Variants in KIF1A observed in about 807,000 individuals in gnomAD.
KIF1A encodes the protein kinesin family member 1A, also known as kinesin-like protein KIF1A.
KIF1A carries 46 observed loss-of-function variants against 227.3 expected under a neutral mutation model. The observed-to-expected ratio is 0.20, with a 90% CI of 0.16 to 0.26. The LOEUF (loss-of-function observed/expected upper bound fraction) is 0.26. KIF1A is among the 10% of genes least tolerant of loss of function. KIF1A has a pLI of 1.00. For missense variants in KIF1A, 1,683 were observed against 2,485.9 expected (o/e 0.68, Z 6.87); for synonymous variants, 1,022 against 1,012.8 (o/e 1.01, Z -0.17).
intron 1 of KIF1A, among the ~76,000 whole-genome samples, chr2:240,812,078 A>G (rs2126233707): frequency 6.6e-6 from 1 of 152,306 alleles, no homozygotes; most frequent in South Asian, 2.1e-4. Context: ...CTTGGTAAAA[A>G]TGCATGCAGA....
chr2:240,768,748 G>A (rs2051531459), intron 17 of KIF1A, among the ~76,000 whole-genome samples: 1 of 152,218 alleles, frequency 6.6e-6, no homozygotes, highest in Non-Finnish European at 1.5e-5. Flanking sequence ...CTCTAGCTGA[G>A]TTCCAAGAAG....
intron 22 of KIF1A, 51 bp downstream of exon 22, chr2:240,762,968 C>T (rs1419138143): frequency 7.1e-7 from 1 of 1,409,896 alleles, no homozygotes; most frequent in African/African-American, 1.4e-5. Context: ...GGACAGGGGT[C>T]CCCTGGTGTG....
intron 42 of KIF1A, among the ~76,000 whole-genome samples, chr2:240,723,051 G>A (rs968676070): frequency 6.6e-6 from 1 of 152,136 alleles, no homozygotes; most frequent in African/African-American, 2.4e-5. Flanking sequence ...ACACACACTC[G>A]GCCCGAGGCA....
intron 2 of KIF1A, among the ~76,000 whole-genome samples, chr2:240,795,385 T>C (rs2056245704): frequency 6.6e-6 from 1 of 152,224 alleles, no homozygotes; most frequent in African/African-American, 2.4e-5. Context: ...GGCTCCGGCC[T>C]CTGGCTCCTA....
chr2:240,760,021 GAA>G (rs397967291), intron 25 of KIF1A, among the ~76,000 whole-genome samples: 2 of 135,506 alleles, frequency 1.5e-5, no homozygotes, highest in African/African-American at 5.4e-5. Context: ...GTCTCTTAAA[GAA>G]AAAAAAAAAA....
At position 240,757,662 on chromosome 2, in the gene KIF1A, G is replaced by C. The variant is rs1350321135; in HGVS notation, c.2583-68C>G. 2.0e-6 allele frequency: 3 copies of C among 1,504,060 alleles called. No individual in the cohort carries two copies. The African/African-American group carries it at 4.2e-5, about 21-fold the overall frequency. 93.2% of individuals were successfully genotyped at this position (1,504,060 alleles called of 1,614,324 possible). On this transcript the variant is annotated intron_variant, in intron 26 of 48. Transcript: ENST00000498729. The surrounding 1 kb of genome is among the most constrained non-coding windows in gnomAD (Gnocchi z 6.2). ...ACTCGCAGGGACGAACAGGGGCCGG[G>C]GCCGGGGCTGGGGGGCTTCTGTTTA...
chr2:240,801,803 G>T (rs1356248133), intron 1 of KIF1A, among the ~76,000 whole-genome samples: 3 of 152,192 alleles, frequency 2.0e-5, no homozygotes, highest in African/African-American at 4.8e-5. Flanking sequence ...CAGCCAATGT[G>T]CCTTACTCTT....
Position 240,788,034 on chromosome 2 carries a change from C to CCCCCCCCCCCTCGGGGCGGG in KIF1A, c.363+16_363+17insCCCGCCCCGAGGGGGGGGGG. 1 of 1,449,062 alleles carries CCCCCCCCCCCTCGGGGCGGG rather than the reference C, an allele frequency of 6.9e-7. No individual in the cohort carries two copies. The highest frequency in any genetic ancestry group is 9.4e-7 in the Non-Finnish European group (1 of 1,059,100). 89.8% of individuals were successfully genotyped at this position (1,449,062 alleles called of 1,614,324 possible). On this transcript the variant is annotated intron_variant, in intron 4 of 48. Transcript: ENST00000498729. This position sits in a 1 kb window ranked among gnomAD's most constrained non-coding sequence, Gnocchi z 6.6. ...CCCATCTGCCAGGGCTGCCCCCGCC[C>CCCCCCCCCCCTCGGGGCGGG]GCCCCCCGCTTCGTGCCTGTGGGAT...
intron 38 of KIF1A, among the ~76,000 whole-genome samples, chr2:240,735,890 T>C (rs896417772): frequency 4.0e-5 from 6 of 151,318 alleles, no homozygotes; most frequent in Non-Finnish European, 7.4e-5. Context: ...CCTATGGACA[T>C]GAGTGCAGGG....
At position 240,775,530 on chromosome 2, in the gene KIF1A, CA is replaced by C. The variant is rs899294442; in HGVS notation, c.958+320del. On this transcript the variant is annotated intron_variant, in intron 11 of 48. Transcript: ENST00000498729. This position sits in a 1 kb window ranked among gnomAD's most constrained non-coding sequence, Gnocchi z 5.5. ...AGGTCCCCGTGACTGATGGGGAAACCAAGGCCCAGAGAAGGATGAGTACTTG... is the reference window on the plus strand; with the variant it reads ...AGGTCCCCGTGACTGATGGGGAAACCAGGCCCAGAGAAGGATGAGTACTTG... Among the ~76,000 whole-genome samples the C allele has an allele frequency of 1.3e-5, 2 of 152,194 alleles. No homozygotes were observed. Among genetic ancestry groups the C allele is most frequent in the African/African-American group, 4.8e-5 (2 of 41,446 alleles).
Position 240,736,368 on chromosome 2 carries a change from C to T in KIF1A, c.4007+695G>A, listed in dbSNP as rs116068811. Among the ~76,000 whole-genome samples, 3,954 of 152,148 alleles carry T rather than the reference C, an allele frequency of 0.026. 179 individuals are homozygous for T. The highest frequency in any genetic ancestry group is 0.089 in the African/African-American group (3,712 of 41,512). ...CTTTCCCCAAGCCCCTGGAAGGCAG[C>T]GTCTGGGACGCAGTGGAGCCCGCGG... On this transcript the variant is annotated intron_variant, in intron 38 of 48. Coordinates refer to ENST00000498729, the MANE Select transcript of KIF1A (RefSeq NM_001244008.2). The surrounding 1 kb of genome is among the most constrained non-coding windows in gnomAD (Gnocchi z 4.7).
chr2:240,771,020 T>C lies in KIF1A; in HGVS notation c.1292A>G (p.Glu431Gly). The C allele has an allele frequency of 6.2e-7, 1 of 1,613,000 alleles. No individual in the cohort carries two copies. The highest frequency in any genetic ancestry group is 8.5e-7 in the Non-Finnish European group (1 of 1,179,816). Residue 431 changes from glutamate (E) to glycine (G), a missense_variant, in exon 15 of 49, where the codon GAG (glutamate) becomes GGG (glycine). Around this residue, in one of 12 missense-constraint regions of KIF1A, gnomAD observed 110 missense variants for 133.1 expected, o/e 0.83. Coordinates refer to ENST00000498729, the MANE Select transcript of KIF1A (RefSeq NM_001244008.2). ...SRAASVSSLH[E>G]RILFAPGSEE... ...GCTGCCCGGGGCAAACAAGATGCGC[T>C]CGTGGAGGCTGGACACGGAGGCCGC... is the stretch of plus-strand genomic sequence containing the variant.
Position 240,813,904 on chromosome 2 carries a change from G to A in KIF1A, c.-61+6218C>T, listed in dbSNP as rs143970328. ...ACAACCGAGCACAACCTCTGTCCAC[G>A]CACCCGGGAGATTCAAGAAGATGCT... is the stretch of plus-strand genomic sequence containing the variant. On this transcript the variant is annotated intron_variant, in intron 1 of 48. Coordinates refer to ENST00000498729, the MANE Select transcript of KIF1A (RefSeq NM_001244008.2). 5.9e-4 allele frequency among the ~76,000 whole-genome samples: 90 copies of A among 152,284 alleles called. 1 individual carries two copies. The highest frequency in any genetic ancestry group is 2.0e-3 in the African/African-American group (85 of 41,554).
Position 240,793,631 on chromosome 2 carries a change from C to T in KIF1A, c.106+4016G>A, listed in dbSNP as rs561290486. On this transcript the variant is annotated intron_variant, in intron 2 of 48. Transcript: ENST00000498729. The surrounding 1 kb of genome is among the most constrained non-coding windows in gnomAD (Gnocchi z 4.8). ...CTACACTAGCTCTGCCAGGTCGGAC[C>T]GAAGTGCACCTAATGGACAGCTCAG... Among the ~76,000 whole-genome samples, 194 of 152,326 alleles carry T rather than the reference C, an allele frequency of 1.3e-3. No individual in the cohort carries two copies. Among genetic ancestry groups the T allele is most frequent in the Admixed American group, 3.5e-3 (53 of 15,302 alleles).
rs1454545662 is a variant in KIF1A at position 240,719,795 on chromosome 2, T to C, written c.5000A>G (p.Asp1667Gly). 6.3e-7 allele frequency: 1 copy of C among 1,598,208 alleles called. No individual in the cohort carries two copies. The stretch of plus-strand genomic sequence containing the variant: ...ACACCTGACTCGGATCTCCTGGATG[T>C]CAGGGACCAGCAGGCGCTGGGGCTC... ...DKEPQRLLVPDIQEIRVSPIV... is the reference protein window; with the variant it reads ...DKEPQRLLVPGIQEIRVSPIV... The change falls in exon 46 of 49, where the codon GAC becomes GGC. Residue 1667 changes from aspartate (D) to glycine (G), a missense_variant. Asp to Gly is a moderately conservative substitution (Grantham distance 94). Around this residue, in one of 12 missense-constraint regions of KIF1A, gnomAD observed 384 missense variants for 410.1 expected, o/e 0.94. Transcript: ENST00000498729.
chr2:240,791,272 C>G (rs553962565), intron 2 of KIF1A, among the ~76,000 whole-genome samples: 1 of 152,278 alleles, frequency 6.6e-6, no homozygotes, highest in African/African-American at 2.4e-5. Flanking sequence ...TCAACCAGCG[C>G]TGTGGAAACA....
chr2:240,742,646 T>A (rs561728326), intron 34 of KIF1A, among the ~76,000 whole-genome samples: 7 of 152,212 alleles, frequency 4.6e-5, no homozygotes, highest in South Asian at 4.2e-4. Flanking sequence ...TGCGTTCAGC[T>A]GAGATGCCTG....
At chr2:240,734,969 G>A (rs1056608230) in intron 38 of KIF1A, among the ~76,000 whole-genome samples, 4 of 152,182 alleles carry the variant, frequency 2.6e-5, no homozygotes, top group Admixed American at 2.6e-4. Flanking sequence ...CTGAGCCTCC[G>A]CACGTCAGGG....
chr2:240,762,895 A>T, intron 22 of KIF1A, 83 bp from the exon 23 acceptor site: 1 of 1,414,022 alleles, frequency 7.1e-7, no homozygotes, highest in Non-Finnish European at 9.7e-7. Flanking sequence ...GGGCCTCACC[A>T]CATCCCACTG....
Sources: gnomAD v4.1 joint callset for allele counts (sites outside exome capture counted in the v4.1 genomes callset) on GRCh38, gnomAD v4.1.1 for gene constraint, gnomAD v4.1.1 regional missense constraint, Gnocchi (gnomAD v3.1) non-coding constraint, MANE v1.5 for transcripts, NCBI Gene and HGNC (gene_info 2026-07-23, HGNC 2026-07-21) for gene names.